RPS6KA2: variants seen among roughly 807,000 people sequenced by gnomAD.
RPS6KA2 encodes ribosomal protein S6 kinase alpha-2.
RPS6KA2 carries 42 observed loss-of-function variants against 91.8 expected under a neutral mutation model. The observed-to-expected ratio is 0.46, with a 90% confidence interval of 0.36 to 0.59. The LOEUF (loss-of-function observed/expected upper bound fraction) is 0.59, where lower values mean the gene tolerates loss of function less well. Among genes scored for constraint, RPS6KA2 ranks in the 20% least tolerant of loss-of-function variants. The probability of loss-of-function intolerance (pLI) is 0.00; values close to 1 mark genes in which losing one functional copy is unlikely to be tolerated. For synonymous variants in RPS6KA2, 414 were observed against 393.6 expected, an observed-to-expected ratio of 1.05 and a Z score of -0.61; for missense variants, 798 against 978.5, an observed-to-expected ratio of 0.82 and a Z score of 2.46.
At chr6:166,721,891 A>T (rs1287513062) in intron 2 of RPS6KA2, among the ~76,000 whole-genome samples, 1 of 151,990 alleles carries the variant, frequency 6.6e-6, no homozygotes, top group East Asian at 1.9e-4. Context: ...AGATCCTCTG[A>T]CTCAAAAATA....
rs1014201583 is a variant in RPS6KA2, at chr6:166,563,673, G to C, written c.100-24889C>G. 4.6e-5 allele frequency among the ~76,000 whole-genome samples: 7 copies of C among 151,532 alleles called. No homozygotes were observed. The highest frequency in any genetic ancestry group is 7.3e-5 in the African/African-American group (3 of 41,314). ...CTTGTGGGCAAGGTATCTGCTTAAAGACATTGATGGATTTTATGAAGAAAA... is the reference window on the plus strand; with the variant it reads ...CTTGTGGGCAAGGTATCTGCTTAAACACATTGATGGATTTTATGAAGAAAA... On this transcript the variant is annotated intron_variant, in intron 1 of 20. Coordinates refer to ENST00000265678, the MANE Select transcript of RPS6KA2 (RefSeq NM_021135.6). This position sits in a 1 kb window ranked among gnomAD's most constrained non-coding sequence, Gnocchi z 4.1.
intron 1 of RPS6KA2, among the ~76,000 whole-genome samples, chr6:166,562,606 G>A (rs1562581273): frequency 1.3e-5 from 2 of 152,194 alleles, no homozygotes; most frequent in Admixed American, 6.5e-5. Flanking sequence ...CTAAGAGCCC[G>A]GCTGCTACTA....
chr6:166,480,757 C>T (rs1015628267), intron 10 of RPS6KA2, among the ~76,000 whole-genome samples: 1 of 151,926 alleles, frequency 6.6e-6, no homozygotes. Flanking sequence ...TCAGGTGATC[C>T]GCCTGCCTGG....
intron 1 of RPS6KA2, among the ~76,000 whole-genome samples, chr6:166,593,004 C>T (rs1007540690): frequency 2.6e-5 from 4 of 152,170 alleles, no homozygotes; most frequent in Admixed American, 6.5e-5. Context: ...GTTAGTCACT[C>T]AAGACCTCAG....
At chr6:166,715,307 C>T (rs1789979544) in intron 2 of RPS6KA2, among the ~76,000 whole-genome samples, 1 of 152,210 alleles carries the variant, frequency 6.6e-6, no homozygotes, top group Admixed American at 6.5e-5. Context: ...ACCATAGAAG[C>T]CGGGCCTTCT....
intron 13 of RPS6KA2, among the ~76,000 whole-genome samples, chr6:166,449,288 G>A (rs763515613): frequency 1.3e-5 from 2 of 152,050 alleles, no homozygotes; most frequent in Non-Finnish European, 2.9e-5. Context: ...GCATGCAGCA[G>A]CCCCACCCAC....
In RPS6KA2 at chr6:166,639,144, T is replaced by C. The variant is rs1787342459; in HGVS notation, c.124-100360A>G. 6.6e-6 allele frequency among the ~76,000 whole-genome samples: 1 copy of C among 152,180 alleles called. No individual in the cohort carries two copies. Among genetic ancestry groups the C allele is most frequent in the South Asian group, 2.1e-4 (1 of 4,830 alleles). ...AGTTTCACACAGAAAATTAATGAAA[T>C]GGCTGGGAAGGCAGTCGACTCCCAA... On this transcript the variant is annotated intron_variant, in intron 2 of 21. Transcript: ENST00000503859. This position sits in a 1 kb window ranked among gnomAD's most constrained non-coding sequence, Gnocchi z 4.2.
intron 2 of RPS6KA2, among the ~76,000 whole-genome samples, chr6:166,796,908 C>T (rs73266863): frequency 0.037 from 5,598 of 152,326 alleles, 373 homozygotes; most frequent in African/African-American, 0.13. Context: ...TCTTTTCTCC[C>T]GCTAATCTGG....
chr6:166,614,784 G>C (rs1487695843), intron 1 of RPS6KA2, among the ~76,000 whole-genome samples: 3 of 152,068 alleles, frequency 2.0e-5, no homozygotes, highest in Non-Finnish European at 4.4e-5. Flanking sequence ...CTGCCTCCCT[G>C]TCACACCCTT....
intron 6 of RPS6KA2, among the ~76,000 whole-genome samples, chr6:166,503,389 CA>C (rs1276824391): frequency 6.6e-6 from 1 of 152,260 alleles, no homozygotes; most frequent in Admixed American, 6.5e-5. Flanking sequence ...CTGCATCTAA[CA>C]ACACCAGCTT....
chr6:166,707,936 G>T (rs1789728721), intron 2 of RPS6KA2, among the ~76,000 whole-genome samples: 3 of 152,072 alleles, frequency 2.0e-5, no homozygotes, highest in South Asian at 4.2e-4. Context: ...CAGAGACAGG[G>T]TCTCACTATG....
In RPS6KA2 at chr6:166,825,753, T is replaced by A. The variant is rs1460664318; in HGVS notation, c.123+32447A>T. 6.6e-6 allele frequency among the ~76,000 whole-genome samples: 1 copy of A among 152,138 alleles called. No homozygotes were observed. The highest frequency in any genetic ancestry group is 1.5e-5 in the Non-Finnish European group (1 of 68,018). On this transcript the variant is annotated intron_variant, in intron 2 of 21. Coordinates refer to the RPS6KA2 transcript ENST00000503859. This position sits in a 1 kb window ranked among gnomAD's most constrained non-coding sequence, Gnocchi z 4.1. ...CTCCTTTATAAGGGCACTAATCCCATGAATGAGGCTCCACCCTCATGAACC... is the reference window on the plus strand; with the variant it reads ...CTCCTTTATAAGGGCACTAATCCCAAGAATGAGGCTCCACCCTCATGAACC...
At chr6:166,676,317 C>CAAA (rs34321063) in intron 2 of RPS6KA2, among the ~76,000 whole-genome samples, 24 of 127,388 alleles carry the variant, frequency 1.9e-4, no homozygotes, top group African/African-American at 6.5e-4. Flanking sequence ...GACTCTGTCT[C>CAAA]AAAAAAAAAA....
At chr6:166,822,762 A>G (rs1099662) in intron 2 of RPS6KA2, among the ~76,000 whole-genome samples, 89,663 of 152,020 alleles carry the variant, frequency 0.59, 27,167 homozygotes, top group Middle Eastern at 0.73. Flanking sequence ...GCAGTGCCTC[A>G]CACATAGGGG....
chr6:166,492,890 A>ATTTTTTTTT (rs71032807), intron 8 of RPS6KA2, among the ~76,000 whole-genome samples: 4 of 103,550 alleles, frequency 3.9e-5, no homozygotes, highest in African/African-American at 7.3e-5. Flanking sequence ...TAATTTTTGT[A>ATTTTTTTTT]TTTTTTTTTT....
At chr6:166,436,549 T>C (rs544143686) in intron 14 of RPS6KA2, among the ~76,000 whole-genome samples, 13 of 152,312 alleles carry the variant, frequency 8.5e-5, no homozygotes, top group African/African-American at 2.9e-4. Context: ...TGACAGGGGC[T>C]GTGGGCAGAA....
Position 166,492,449 on chromosome 6 carries a change from A to G in RPS6KA2, c.748-1708T>C, listed in dbSNP as rs930685327. On this transcript the variant is annotated intron_variant, in intron 8 of 20. Coordinates refer to ENST00000265678, the MANE Select transcript of RPS6KA2 (RefSeq NM_021135.6). ...TTATAAGCTGATCATACACACTGAA[A>G]TATCTCTCAGAATAGAATGGTATTA... 5.9e-5 allele frequency among the ~76,000 whole-genome samples: 9 copies of G among 152,178 alleles called. No homozygotes were observed. The South Asian group carries it at 1.7e-3, about 28-fold the overall frequency.
chr6:166,770,904 C>A lies in RPS6KA2; in HGVS notation c.123+87296G>T. Reference sequence around the variant, plus strand: ...ACCTTTGTCTTGCAGGCAGCTGAGTCACTTTTGCCCTGTGAAAATGGAAAC... The same window carrying A: ...ACCTTTGTCTTGCAGGCAGCTGAGTAACTTTTGCCCTGTGAAAATGGAAAC... On this transcript the variant is annotated intron_variant, in intron 2 of 21. Coordinates refer to the RPS6KA2 transcript ENST00000503859. This position sits in a 1 kb window ranked among gnomAD's most constrained non-coding sequence, Gnocchi z 5.1. 6.3e-7 allele frequency: 1 copy of A among 1,596,976 alleles called. No homozygotes were observed.
At chr6:166,559,630 C>G (rs1237553730) in intron 1 of RPS6KA2, among the ~76,000 whole-genome samples, 2 of 152,192 alleles carry the variant, frequency 1.3e-5, no homozygotes, top group Non-Finnish European at 2.9e-5. Flanking sequence ...CTCCTAAACT[C>G]TCCCCTATCC....
Sources: gnomAD v4.1 joint callset for allele counts (sites outside exome capture counted in the v4.1 genomes callset) on GRCh38, gnomAD v4.1.1 for gene constraint, Gnocchi (gnomAD v3.1) non-coding constraint, MANE v1.5 for transcripts, NCBI Gene and HGNC (gene_info 2026-07-23, HGNC 2026-07-21) for gene names.